Variants in PCDHA3 observed in about 807,000 individuals in gnomAD.
The protein encoded by PCDHA3 is protocadherin alpha-3.
PCDHA3 carries 41 observed loss-of-function variants against 62.2 expected under a neutral mutation model. The ratio of observed to expected loss-of-function variants is 0.66; its 90% confidence interval spans 0.51 to 0.86. The LOEUF (loss-of-function observed/expected upper bound fraction) is 0.86, where lower values mean the gene tolerates loss of function less well. Ranked by LOEUF, PCDHA3 falls within the 40% of genes least tolerant of loss-of-function variation. The pLI is 0.00. For missense variants in PCDHA3, 1,304 were observed against 1,241.2 expected (o/e 1.05, Z -0.76); for synonymous variants, 640 against 555.4 (o/e 1.15, Z -2.14).
rs2126655451 is a variant in PCDHA3, at chr5:140,814,449, CT to C, written c.2394+10870del. 833 of 141,266 alleles carry C rather than the reference CT, an allele frequency of 5.9e-3. 2 individuals are homozygous for C. The highest frequency in any genetic ancestry group is 0.014 in the African/African-American group (566 of 39,162). The allele number at this position is 141,266 out of a possible 1,614,324, so 8.8% of individuals were successfully genotyped here. A position where few individuals can be genotyped will look rare whatever the true frequency, so the allele number is the denominator to read the frequency against. ...AGGCTGTTTTGTGGTGACCTTTTTT[CT>C]TTTTTTTTTTTGAGTTAATGTATTT... On this transcript the variant is annotated intron_variant, in intron 1 of 3. Transcript: ENST00000522353.
At chr5:140,982,824 G>GGTTT (rs74513655) in intron 3 of PCDHA3, among the ~76,000 whole-genome samples, 1 of 151,942 alleles carries the variant, frequency 6.6e-6, no homozygotes, top group African/African-American at 2.4e-5. Context: ...AAGTTTTTGG[G>GGTTT]GTTTGTTTGT....
intron 1 of PCDHA3, among the ~76,000 whole-genome samples, chr5:140,973,261 C>G (rs1162687249): frequency 6.6e-6 from 1 of 152,156 alleles, no homozygotes; most frequent in African/African-American, 2.4e-5. Flanking sequence ...TCAGTGGCAC[C>G]TACTTTTATT....
chr5:140,919,666 A>G (rs1247598579), intron 1 of PCDHA3, among the ~76,000 whole-genome samples: 1 of 152,154 alleles, frequency 6.6e-6, no homozygotes. Context: ...TATATATTTT[A>G]GCTTATTGGT....
intron 1 of PCDHA3, chr5:140,883,274 C>T (rs1554177451): frequency 1.9e-6 from 3 of 1,613,998 alleles, no homozygotes; most frequent in South Asian, 2.2e-5. Flanking sequence ...TCATTGTACC[C>T]TTTTGGTGGA....
intron 1 of PCDHA3, among the ~76,000 whole-genome samples, chr5:140,908,047 C>T (rs976734426): frequency 4.6e-5 from 7 of 152,208 alleles, no homozygotes; most frequent in African/African-American, 1.7e-4. Context: ...AATTGCACAT[C>T]CGGCCATTTC....
At position 140,836,540 on chromosome 5, in the gene PCDHA3, G is replaced by A. The variant is rs2150263388; in HGVS notation, c.2394+32949G>A. On this transcript the variant is annotated intron_variant, in intron 1 of 3. Transcript: ENST00000522353. ...TGGTGCTTACCCTGCTGCTGTACAC[G>A]GCGTTGCGGTGCTCAGCGCCGTCCT... 4,283 of 1,613,776 alleles carry A rather than the reference G, an allele frequency of 2.7e-3. 131 individuals carry two copies. The African/African-American group carries it at 0.05, about 19-fold the overall frequency.
At chr5:140,966,731 G>C (rs2096045524) in intron 1 of PCDHA3, 3 of 1,405,020 alleles carry the variant, frequency 2.1e-6, no homozygotes, top group Non-Finnish European at 2.8e-6. Flanking sequence ...TGCCGCCTCC[G>C]GCCCTGCCCG....
rs1317761194 is a variant in PCDHA3 at position 140,848,794 on chromosome 5, C to T, written c.2394+45203C>T. The T allele has an allele frequency of 3.1e-6, 5 of 1,592,486 alleles. No homozygotes were observed. The African/African-American group carries it at 5.4e-5, about 17-fold the overall frequency. On this transcript the variant is annotated intron_variant, in intron 1 of 3. Transcript: ENST00000522353. ...CGCGAGGAGCTGTGCGGGCGGAGCG[C>T]GGAGTGCAGCATCCACCTGGAGGTG...
At chr5:140,972,660 A>ATTTTTTTT (rs11350929) in intron 1 of PCDHA3, among the ~76,000 whole-genome samples, 1 of 117,268 alleles carries the variant, frequency 8.5e-6, no homozygotes, top group Non-Finnish European at 1.7e-5. Context: ...AAGAAACCAA[A>ATTTTTTTT]TTTTTTTTTT....
At chr5:140,817,018 A>G (rs1173014868) in intron 1 of PCDHA3, 7 of 152,034 alleles carry the variant, frequency 4.6e-5, no homozygotes, top group Non-Finnish European at 7.4e-5. Flanking sequence ...TCTTTCCCTC[A>G]TGAGAGAGAG....
At chr5:140,834,970 T>A (rs2150229489) in intron 1 of PCDHA3, 1 of 1,502,862 alleles carries the variant, frequency 6.7e-7, no homozygotes, top group Non-Finnish European at 9.0e-7. Context: ...GGACTTGTAT[T>A]ACGGAAACTT....
chr5:140,916,084 C>T (rs1330761804), intron 1 of PCDHA3, among the ~76,000 whole-genome samples: 3 of 152,186 alleles, frequency 2.0e-5, no homozygotes, highest in Non-Finnish European at 4.4e-5. Flanking sequence ...TACCACTGGT[C>T]CACAGGGAAT....
chr5:140,878,033 A>G, intron 1 of PCDHA3: 2 of 574,166 alleles, frequency 3.5e-6, no homozygotes, highest in Non-Finnish European at 5.4e-6. Context: ...TGTAGGTACA[A>G]TGGAGGCCAT....
rs782373131 is a variant in PCDHA3, at chr5:140,808,095, T to A, written c.2394+4504T>A. ...ATAGATCCAATTACTGGACAAATTA[T>A]TGTAAAGGGATATATTGACTTTGAA... is the stretch of plus-strand genomic sequence containing the variant. On this transcript the variant is annotated intron_variant, in intron 1 of 3. Transcript: ENST00000522353. 2.3e-5 allele frequency: 37 copies of A among 1,613,988 alleles called. No individual in the cohort carries two copies. In the East Asian group the frequency reaches 8.2e-4, roughly 36 times the overall value.
chr5:140,978,601 G>A (rs1382051729), intron 1 of PCDHA3, among the ~76,000 whole-genome samples: 1 of 152,244 alleles, frequency 6.6e-6, no homozygotes, highest in African/African-American at 2.4e-5. Flanking sequence ...TGGGGCACTT[G>A]AGGGCAAAAG....
At chr5:140,851,005 T>C in intron 1 of PCDHA3, 1 of 1,432,862 alleles carries the variant, frequency 7.0e-7, no homozygotes, top group Non-Finnish European at 9.2e-7. Flanking sequence ...ATCCAGCAGA[T>C]TTTTTTTCTG....
chr5:140,969,529 T>C, intron 1 of PCDHA3: 1 of 1,377,800 alleles, frequency 7.3e-7, no homozygotes, highest in Non-Finnish European at 9.7e-7. Flanking sequence ...GTTTTATTTT[T>C]CATTTTCAGA....
chr5:140,972,829 A>G (rs1554234573), intron 1 of PCDHA3, among the ~76,000 whole-genome samples: 1 of 151,808 alleles, frequency 6.6e-6, no homozygotes, highest in Non-Finnish European at 1.5e-5. Flanking sequence ...ACGCCTGGCT[A>G]ATTTTTGTAT....
chr5:140,809,388 C>T lies in PCDHA3; in HGVS notation c.2394+5797C>T, dbSNP rs782714901. On this transcript the variant is annotated intron_variant, in intron 1 of 3. Transcript: ENST00000522353. ...CTGCCCACCGAGGGCGCGTGCGCTCCGGGCAAGCCCACGCTGGTGTGCTCC... is the reference window on the plus strand; with the variant it reads ...CTGCCCACCGAGGGCGCGTGCGCTCTGGGCAAGCCCACGCTGGTGTGCTCC... 16 of 1,613,944 alleles carry T rather than the reference C, an allele frequency of 9.9e-6. No individual in the cohort carries two copies. The highest frequency in any genetic ancestry group is 1.3e-5 in the African/African-American group (1 of 74,948).
Sources: gnomAD v4.1 joint callset for allele counts (sites outside exome capture counted in the v4.1 genomes callset) on GRCh38, gnomAD v4.1.1 for gene constraint, MANE v1.5 for transcripts, NCBI Gene and HGNC (gene_info 2026-07-23, HGNC 2026-07-21) for gene names.